TENM4: variants seen among roughly 807,000 people sequenced by gnomAD.
TENM4 encodes the protein teneurin transmembrane protein 4.
TENM4 carries 82 observed loss-of-function variants against 243.3 expected under a neutral mutation model. The ratio of observed to expected loss-of-function variants is 0.34; its 90% CI spans 0.28 to 0.40. The LOEUF (loss-of-function observed/expected upper bound fraction) is 0.40. Ranked by LOEUF, TENM4 falls within the 10% of genes least tolerant of loss-of-function variation. The pLI is 1.00. For missense variants in TENM4, 3,138 were observed against 3,673.3 expected (o/e 0.85, Z 3.77); for synonymous variants, 1,412 against 1,456.3 (o/e 0.97, Z 0.69).
chr11:78,847,194 G>T (rs547292), intron 12 of TENM4, among the ~76,000 whole-genome samples: 32,142 of 152,196 alleles, frequency 0.21, 4,423 homozygotes, highest in Middle Eastern at 0.33. Flanking sequence ...TGCTACTCTA[G>T]TGGGGATTTT....
rs1312962517 is a variant in TENM4, at chr11:79,413,077, G to A, written c.-321+27432C>T. On this transcript the variant is annotated intron_variant, in intron 1 of 33. Coordinates refer to ENST00000278550, the MANE Select transcript of TENM4 (RefSeq NM_001098816.3). ...CTAAAGGCCATCAAATCAGGCTACT[G>A]CAAATAAAAACCTATTTATTTATGT... Among the ~76,000 whole-genome samples the A allele has an allele frequency of 2.6e-5, 4 of 152,200 alleles. No homozygotes were observed. The East Asian group carries it at 7.7e-4, about 29-fold the overall frequency.
chr11:78,966,674 A>G (rs1177667281), intron 6 of TENM4, among the ~76,000 whole-genome samples: 1 of 152,176 alleles, frequency 6.6e-6, no homozygotes, highest in South Asian at 2.1e-4. Flanking sequence ...GAGGATTTCA[A>G]TGAGAAAAGA....
intron 6 of TENM4, among the ~76,000 whole-genome samples, chr11:79,027,747 C>T (rs1158199035): frequency 6.6e-6 from 1 of 152,202 alleles, no homozygotes; most frequent in Non-Finnish European, 1.5e-5. Flanking sequence ...ATATTTCATT[C>T]AGGCATTCCC....
intron 6 of TENM4, among the ~76,000 whole-genome samples, chr11:78,966,906 G>A (rs1857448202): frequency 6.6e-6 from 1 of 152,084 alleles, no homozygotes; most frequent in Non-Finnish European, 1.5e-5. Context: ...AGTTTGCAGA[G>A]CTCTAGGGCA....
intron 1 of TENM4, among the ~76,000 whole-genome samples, chr11:79,374,263 C>A (rs2135514207): frequency 6.6e-6 from 1 of 152,180 alleles, no homozygotes; most frequent in Admixed American, 6.5e-5. Context: ...AATAGCAATA[C>A]CCGTACTTTT....
rs529205116 is a variant in TENM4, at chr11:79,419,907, C to T, written c.-321+20602G>A. 8.3e-4 allele frequency among the ~76,000 whole-genome samples: 126 copies of T among 152,034 alleles called. 3 individuals are homozygous for T. In the South Asian group the frequency reaches 0.024, roughly 29 times the overall value. Reference sequence around the variant, plus strand: ...GTTCCTTCAAGATACAAGGTGGGTGCGGGGAGGGAGTTTGAGTATGAGACT... The same window carrying T: ...GTTCCTTCAAGATACAAGGTGGGTGTGGGGAGGGAGTTTGAGTATGAGACT... On this transcript the variant is annotated intron_variant, in intron 1 of 33. Coordinates refer to ENST00000278550, the MANE Select transcript of TENM4 (RefSeq NM_001098816.3).
At chr11:79,078,946 G>A (rs1860596763) in intron 4 of TENM4, among the ~76,000 whole-genome samples, 2 of 152,162 alleles carry the variant, frequency 1.3e-5, no homozygotes, top group African/African-American at 4.8e-5. Flanking sequence ...TCCTGCATAC[G>A]TCATTCTATA....
rs1452576324 is a variant in TENM4 at position 79,172,787 on chromosome 11, C to T, written c.-162-23981G>A. ...CAGAGTAGCTGGGATTACAAGTGTG[C>T]ACCACCACGCCCAGCTAAATTTTTT... On this transcript the variant is annotated intron_variant, in intron 3 of 33. Coordinates refer to ENST00000278550, the MANE Select transcript of TENM4 (RefSeq NM_001098816.3). Among the ~76,000 whole-genome samples, 6 of 151,362 alleles carry T rather than the reference C, an allele frequency of 4.0e-5. 1 individual carries two copies. The highest frequency in any genetic ancestry group is 2.0e-4 in the Admixed American group (3 of 15,204).
chr11:78,766,772 A>T (rs1213959937), intron 18 of TENM4, among the ~76,000 whole-genome samples: 1 of 147,264 alleles, frequency 6.8e-6, no homozygotes, highest in East Asian at 2.0e-4. Flanking sequence ...GCACAATCTC[A>T]GCTCACTGAA....
At chr11:78,746,609 A>T (rs1856056894) in intron 19 of TENM4, among the ~76,000 whole-genome samples, 1 of 152,212 alleles carries the variant, frequency 6.6e-6, no homozygotes, top group African/African-American at 2.4e-5. Context: ...CTTCCAGGGA[A>T]CTGAGCCCAT....
intron 6 of TENM4, among the ~76,000 whole-genome samples, chr11:79,050,255 G>A (rs1408796523): frequency 6.6e-6 from 1 of 152,212 alleles, no homozygotes; most frequent in African/African-American, 2.4e-5. Flanking sequence ...GGGGAAAAAA[G>A]TGACACGATC....
At chr11:78,840,067 T>C (rs1858218407) in intron 12 of TENM4, among the ~76,000 whole-genome samples, 1 of 152,230 alleles carries the variant, frequency 6.6e-6, no homozygotes, top group Admixed American at 6.5e-5. Context: ...CTTAGGGTAA[T>C]ATTTGGCACC....
chr11:79,372,499 C>T (rs1214864730), intron 1 of TENM4, among the ~76,000 whole-genome samples: 1 of 152,126 alleles, frequency 6.6e-6, no homozygotes, highest in Non-Finnish European at 1.5e-5. Flanking sequence ...GCTTATCTCT[C>T]AGCTGCTATC....
At chr11:79,019,814 T>C (rs980047733) in intron 6 of TENM4, among the ~76,000 whole-genome samples, 3 of 152,018 alleles carry the variant, frequency 2.0e-5, no homozygotes, top group Non-Finnish European at 4.4e-5. Flanking sequence ...GCATTGGGAG[T>C]TAAGGGAACA....
chr11:79,147,046 T>C (rs756411939), intron 4 of TENM4, among the ~76,000 whole-genome samples: 16 of 152,122 alleles, frequency 1.1e-4, no homozygotes, highest in Non-Finnish European at 1.9e-4. Flanking sequence ...CATGCATACG[T>C]ATATGCTATT....
In TENM4 at chr11:78,701,757, G is replaced by A. The variant is rs1452697349; in HGVS notation, c.4856C>T (p.Thr1619Ile). ...NFTYTGDGDI[T>I]LITDNNGNMV... ...GTTGCCATTGTTGTCTGTGATGAGT[G>A]TGATGTCGCCGTCCCCAGTGTAGGT... is the stretch of plus-strand genomic sequence containing the variant. Residue 1619 changes from threonine to isoleucine, a missense_variant, in exon 28 of 34, where the codon ACA becomes ATA. This residue lies in a region of TENM4 where 2,467 missense variants were observed against 3,059.1 expected (regional missense o/e 0.81). Coordinates refer to ENST00000278550, the MANE Select transcript of TENM4 (RefSeq NM_001098816.3). 1.2e-6 allele frequency: 2 copies of A among 1,613,900 alleles called. No individual in the cohort carries two copies. The highest frequency in any genetic ancestry group is 2.7e-5 in the African/African-American group (2 of 74,928).
intron 28 of TENM4, among the ~76,000 whole-genome samples, chr11:78,694,716 C>T (rs1420874381): frequency 2.0e-5 from 3 of 152,198 alleles, no homozygotes; most frequent in Non-Finnish European, 4.4e-5. Context: ...CAGCTGACCC[C>T]TGCAGACTGT....
At chr11:78,755,596 G>A (rs150677532) in intron 19 of TENM4, among the ~76,000 whole-genome samples, 88 of 152,202 alleles carry the variant, frequency 5.8e-4, no homozygotes, top group Middle Eastern at 3.4e-3. Context: ...ACATTTACTC[G>A]TGGGTGGCCT....
intron 27 of TENM4, among the ~76,000 whole-genome samples, chr11:78,706,040 G>A (rs553256116): frequency 2.0e-5 from 3 of 152,254 alleles, no homozygotes; most frequent in Non-Finnish European, 2.9e-5. Context: ...ATGGAACCTG[G>A]TACAGGGCTC....
Sources: gnomAD v4.1 joint callset for allele counts (sites outside exome capture counted in the v4.1 genomes callset) on GRCh38, gnomAD v4.1.1 for gene constraint, gnomAD v4.1.1 regional missense constraint, MANE v1.5 for transcripts, NCBI Gene and HGNC (gene_info 2026-07-23, HGNC 2026-07-21) for gene names.